SLC9A8: variants seen among roughly 807,000 people sequenced by gnomAD.
The protein encoded by SLC9A8 is sodium/hydrogen exchanger 8.
Under a neutral mutation model 66.6 loss-of-function variants are expected in SLC9A8, and 48 were observed. The ratio of observed to expected loss-of-function variants is 0.72; its 90% CI spans 0.57 to 0.92. SLC9A8 has a LOEUF of 0.92. Among genes scored for constraint, SLC9A8 ranks in the 40% least tolerant of loss-of-function variants. The pLI is 0.00. For missense variants in SLC9A8, 599 were observed against 747.3 expected, an observed-to-expected ratio of 0.80 and a Z score of 2.31; for synonymous variants, 274 against 282.6, an observed-to-expected ratio of 0.97 and a Z score of 0.31.
chr20:49,834,169 CTCTCTCTCTCTCTCTCTATATATA>C (rs1396673068), intron 3 of SLC9A8, among the ~76,000 whole-genome samples: 6 of 58,416 alleles, frequency 1.0e-4, no homozygotes, highest in South Asian at 4.8e-4. Flanking sequence ...CTCTCTCTCT[CTCTCTCTCTCTCTCTCTATATATA>C]TATATATATA....
At chr20:49,874,410 C>A (rs1170868336) in intron 10 of SLC9A8, among the ~76,000 whole-genome samples, 1 of 152,116 alleles carries the variant, frequency 6.6e-6, no homozygotes, top group Non-Finnish European at 1.5e-5. Flanking sequence ...TATTTTCACT[C>A]ACCCTCCTAA....
chr20:49,839,873 T>G (rs1012537631), intron 4 of SLC9A8, among the ~76,000 whole-genome samples: 4 of 152,230 alleles, frequency 2.6e-5, no homozygotes, highest in African/African-American at 9.6e-5. Flanking sequence ...ACCTACTTTT[T>G]TAGGCAGGAA....
chr20:49,835,204 T>G (rs574225718), intron 3 of SLC9A8, among the ~76,000 whole-genome samples: 7 of 152,068 alleles, frequency 4.6e-5, no homozygotes, highest in Admixed American at 2.6e-4. Flanking sequence ...GTTTTTTTTT[T>G]TGTGAATGTC....
At chr20:49,884,337 C>CACACACACACACACACACACA (rs1555848454) in intron 14 of SLC9A8, among the ~76,000 whole-genome samples, 29 of 72,330 alleles carry the variant, frequency 4.0e-4, no homozygotes, top group African/African-American at 5.2e-4. Context: ...CACACACACA[C>CACACACACACACACACACACA]CCCCCGGTCA....
At chr20:49,874,614 A>G in intron 10 of SLC9A8, 91 bp from the exon 11 acceptor site, 1 of 834,818 alleles carries the variant, frequency 1.2e-6, no homozygotes, top group South Asian at 1.4e-5. Context: ...AAACCCTCTA[A>G]TGCTCTAGGC....
chr20:49,874,932 C>T, intron 11 of SLC9A8, 111 bp downstream of exon 11: 1 of 764,428 alleles, frequency 1.3e-6, no homozygotes, highest in Admixed American at 1.9e-5. Context: ...GGCAGCAGCT[C>T]CTCAGAGCCA....
At chr20:49,824,992 T>C (rs989240533) in intron 3 of SLC9A8, among the ~76,000 whole-genome samples, 2 of 152,204 alleles carry the variant, frequency 1.3e-5, no homozygotes, top group African/African-American at 4.8e-5. Context: ...ATTTCTTTGA[T>C]GCTGCTGAAT....
At chr20:49,835,239 C>CA (rs1464829031) in intron 3 of SLC9A8, among the ~76,000 whole-genome samples, 5 of 151,248 alleles carry the variant, frequency 3.3e-5, no homozygotes, top group Non-Finnish European at 5.9e-5. Flanking sequence ...ACTCTTAACA[C>CA]AGAGTGGCAT....
At chr20:49,868,183 C>G (rs960326586) in intron 10 of SLC9A8, among the ~76,000 whole-genome samples, 3 of 152,226 alleles carry the variant, frequency 2.0e-5, no homozygotes, top group African/African-American at 7.2e-5. Context: ...TTTCATGCAT[C>G]TGTTTGGAAT....
At chr20:49,816,281 G>A (rs567824301) in intron 2 of SLC9A8, among the ~76,000 whole-genome samples, 5 of 152,002 alleles carry the variant, frequency 3.3e-5, no homozygotes, top group African/African-American at 7.3e-5. Context: ...TTAGCTGGGC[G>A]TGGTGGTATG....
At chr20:49,816,503 G>A (rs866608292) in intron 2 of SLC9A8, among the ~76,000 whole-genome samples, 9 of 152,024 alleles carry the variant, frequency 5.9e-5, no homozygotes, top group African/African-American at 1.7e-4. Context: ...GCATAGAGAA[G>A]TCAGGTGGTT....
At position 49,855,556 on chromosome 20, in the gene SLC9A8, G is replaced by A. The variant is rs1197445932; in HGVS notation, c.688G>A (p.Asp230Asn). The A allele has an allele frequency of 4.3e-6, 7 of 1,614,040 alleles. No individual in the cohort carries two copies. The highest frequency in any genetic ancestry group is 4.0e-5 in the African/African-American group (3 of 74,916). The stretch of plus-strand genomic sequence containing the variant: ...GGTCTTTGGAGAAAGTATTCTCAAC[G>A]ATGCAGTCTCCATTGTTCTGACCAA... ...MLVFGESILN[D>N]AVSIVLTNTA... is the part of the protein sequence containing the mutation. The change falls in exon 8 of 16, where the codon GAT becomes AAT. Residue 230 changes from aspartate (D) to asparagine (N), a missense_variant. Asp to Asn is a conservative substitution (Grantham distance 23, BLOSUM62 1). Transcript: ENST00000361573.
chr20:49,846,188 G>A (rs1228406685), intron 5 of SLC9A8, among the ~76,000 whole-genome samples: 1 of 152,090 alleles, frequency 6.6e-6, no homozygotes, highest in Admixed American at 6.5e-5. Context: ...TTTTAAGCCT[G>A]CTTGTGTGCG....
At chr20:49,882,721 C>T (rs985167039) in intron 13 of SLC9A8, among the ~76,000 whole-genome samples, 27 of 152,286 alleles carry the variant, frequency 1.8e-4, no homozygotes, top group African/African-American at 2.6e-4. Flanking sequence ...TTGAATTGCC[C>T]GGTGGCCTGG....
At position 49,886,665 on chromosome 20, in the gene SLC9A8, G is replaced by T; in HGVS notation, c.1492-87G>T. ...AGTGGAGTTAGGGTTGGGGACACTG[G>T]CGGCCTGGGTGGTGTGGGGGCTTCC... On this transcript the variant is annotated intron_variant, in intron 14 of 15. Transcript: ENST00000361573. This position sits in a 1 kb window ranked among gnomAD's most constrained non-coding sequence, Gnocchi z 4.8. 4 of 1,495,230 alleles carry T rather than the reference G, an allele frequency of 2.7e-6. No individual in the cohort carries two copies. Among genetic ancestry groups the T allele is most frequent in the Non-Finnish European group, 3.6e-6 (4 of 1,100,380 alleles). The allele number at this position is 1,495,230 out of a possible 1,614,324, so 92.6% of individuals were successfully genotyped here. A position where few individuals can be genotyped will look rare whatever the true frequency, so the allele number is the denominator to read the frequency against.
At chr20:49,853,506 A>T (rs1396822021) in intron 7 of SLC9A8, among the ~76,000 whole-genome samples, 1 of 152,198 alleles carries the variant, frequency 6.6e-6, no homozygotes, top group East Asian at 1.9e-4. Flanking sequence ...GCTGTGGTTG[A>T]TGAGAGTGAA....
chr20:49,850,303 T>C (rs1057318492), intron 6 of SLC9A8, among the ~76,000 whole-genome samples: 1 of 152,252 alleles, frequency 6.6e-6, no homozygotes, highest in Non-Finnish European at 1.5e-5. Flanking sequence ...TTTTGTATTA[T>C]GCATGTCCAT....
At chr20:49,843,155 T>C (rs977158387) in intron 4 of SLC9A8, among the ~76,000 whole-genome samples, 2 of 151,882 alleles carry the variant, frequency 1.3e-5, no homozygotes, top group Non-Finnish European at 2.9e-5. Context: ...TGGGGGACAC[T>C]ATATAACCCC....
chr20:49,868,626 A>T (rs938994924), intron 10 of SLC9A8, among the ~76,000 whole-genome samples: 6 of 152,190 alleles, frequency 3.9e-5, no homozygotes, highest in African/African-American at 1.2e-4. Context: ...GTTGCTAAGG[A>T]CTGGGGCTGG....
Sources: allele counts gnomAD v4.1 joint callset (sites outside exome capture counted in the v4.1 genomes callset), GRCh38; gene constraint gnomAD v4.1.1; non-coding constraint Gnocchi (gnomAD v3.1); transcripts MANE v1.5; gene names NCBI Gene and HGNC (gene_info 2026-07-23, HGNC 2026-07-21).